Variants in NUDT7 observed in about 807,000 individuals in gnomAD.
NUDT7 encodes peroxisomal coenzyme A diphosphatase NUDT7.
NUDT7 carries 19 observed loss-of-function variants against 13.1 expected under a neutral mutation model. That is an observed-to-expected ratio of 1.45 (90% CI 1.01 to 2.13). The LOEUF (loss-of-function observed/expected upper bound fraction) is 2.13, where lower values mean the gene tolerates loss of function less well. NUDT7 is among the 30% of genes most tolerant of loss of function. The pLI, the probability that NUDT7 is intolerant of heterozygous loss-of-function variation, is 0.00. For missense variants in NUDT7, 360 were observed against 291.7 expected (o/e 1.23, Z -1.71); for synonymous variants, 132 against 109.7 (o/e 1.20, Z -1.27).
chr16:77,728,078 G>C (rs2014195467), intron 2 of NUDT7, among the ~76,000 whole-genome samples: 1 of 151,926 alleles, frequency 6.6e-6, no homozygotes, highest in Non-Finnish European at 1.5e-5. Context: ...GGCTGTAGGG[G>C]TGAGAAATTC....
In NUDT7 at chr16:77,736,019, TC is replaced by T. The variant is rs1251961121; in HGVS notation, c.348+37del. Reference sequence around the variant, plus strand: ...TTTCCTGAGACACTCATGAGCACCGTCCCCACCCCCAGGTGGATCTACTGTT... The same window carrying T: ...TTTCCTGAGACACTCATGAGCACCGTCCCACCCCCAGGTGGATCTACTGTT... On this transcript the variant is annotated intron_variant, in intron 3 of 3. Coordinates refer to ENST00000268533, the MANE Select transcript of NUDT7 (RefSeq NM_001105663.3). The T allele has an allele frequency of 2.5e-6, 4 of 1,603,518 alleles. No individual in the cohort carries two copies. The African/African-American group carries it at 5.4e-5, about 21-fold the overall frequency.
intron 1 of NUDT7, among the ~76,000 whole-genome samples, chr16:77,724,867 G>A (rs530662175): frequency 4.3e-4 from 66 of 152,322 alleles, no homozygotes; most frequent in Non-Finnish European, 8.1e-4. Flanking sequence ...CGTCAGTAAC[G>A]CTGTCATGAG....
chr16:77,722,958 C>T (rs1378358199), intron 1 of NUDT7, among the ~76,000 whole-genome samples: 1 of 152,188 alleles, frequency 6.6e-6, no homozygotes, highest in African/African-American at 2.4e-5. Context: ...GGATTCAAGT[C>T]CCCCGGTGGC....
intron 1 of NUDT7, among the ~76,000 whole-genome samples, chr16:77,723,920 GTATCTTAAATAGCTGATTCTGCCCAC>G (rs1466580619): frequency 1.3e-5 from 2 of 152,070 alleles, no homozygotes; most frequent in African/African-American, 4.8e-5. Context: ...CCAATTCTGG[GTATCTTAAATAGCTGATTCTGCCCAC>G]TATGCAAAGC....
intron 2 of NUDT7, among the ~76,000 whole-genome samples, chr16:77,727,960 G>A (rs968387065): frequency 3.0e-4 from 45 of 152,118 alleles, no homozygotes; most frequent in African/African-American, 8.2e-4. Context: ...AACCAACGGG[G>A]TCTCTAGTTT....
chr16:77,738,374 C>A (rs1025498617), intron 3 of NUDT7, among the ~76,000 whole-genome samples: 1 of 152,084 alleles, frequency 6.6e-6, no homozygotes, highest in Non-Finnish European at 1.5e-5. Context: ...TCTAAAATGG[C>A]GTGATTGAGA....
intron 3 of NUDT7, among the ~76,000 whole-genome samples, chr16:77,738,628 G>A (rs1453970185): frequency 2.0e-5 from 3 of 152,054 alleles, no homozygotes; most frequent in African/African-American, 4.8e-5. Context: ...AAGTGATCTC[G>A]AGTCCCAGTG....
At chr16:77,736,605 TG>T in intron 3 of NUDT7, 1 of 200,400 alleles carries the variant, frequency 5.0e-6, no homozygotes, top group Non-Finnish European at 1.1e-5. Flanking sequence ...ATTTTGGAGC[TG>T]AGATAACCAC....
intron 2 of NUDT7, among the ~76,000 whole-genome samples, chr16:77,732,094 A>C (rs2014335776): frequency 2.0e-5 from 3 of 152,138 alleles, no homozygotes; most frequent in Admixed American, 6.5e-5. Flanking sequence ...TGGGAGGCCA[A>C]GGTGGAGGGA....
intron 2 of NUDT7, among the ~76,000 whole-genome samples, chr16:77,734,482 G>A (rs2014416595): frequency 6.6e-6 from 1 of 152,090 alleles, no homozygotes; most frequent in South Asian, 2.1e-4. Context: ...AATTAGCCGG[G>A]CATGCTGGTG....
In NUDT7 at chr16:77,735,917, C is replaced by T. The variant is rs1160037847; in HGVS notation, c.279C>T (p.Ala93=). ...MDDAATALRE[A]QEEVGLRPHQ... is the part of the protein sequence containing the mutation. ...ATGCAGCCACAGCTCTCCGGGAAGC[C>T]CAGGAGGAAGTGGGTCTCCGTCCTC... The change falls in exon 3 of 4, where the codon GCC becomes GCT. Residue 93 remains alanine (A), a synonymous_variant. Transcript: ENST00000268533. 1.9e-6 allele frequency: 3 copies of T among 1,614,006 alleles called. No individual in the cohort carries two copies. Among genetic ancestry groups the T allele is most frequent in the Non-Finnish European group, 2.5e-6 (3 of 1,179,946 alleles).
At chr16:77,741,346 A>C (rs2014653372) in intron 3 of NUDT7, 1 of 435,020 alleles carries the variant, frequency 2.3e-6, no homozygotes. Context: ...AAAAGATTGT[A>C]CTACTTTATG....
chr16:77,722,517 C>T lies in NUDT7; in HGVS notation c.-66C>T, dbSNP rs1484140007. ...GGCCGCTCCCAAGCCCAGAGCTGCT[C>T]TGCGCAAGCGCGACCGACCGAGCAG... On this transcript the variant is annotated 5_prime_UTR_variant, in exon 1 of 4. Transcript: ENST00000268533. 7 of 1,471,174 alleles carry T rather than the reference C, an allele frequency of 4.8e-6. No individual in the cohort carries two copies. Among genetic ancestry groups the T allele is most frequent in the Non-Finnish European group, 5.6e-6 (6 of 1,076,292 alleles). 91.1% of individuals were successfully genotyped at this position (1,471,174 alleles called of 1,614,324 possible).
rs367775915 is a variant in NUDT7 at position 77,735,552 on chromosome 16, G to T, written c.190-276G>T. ...TTTCTTTATAAACTACCCAGTCTCA[G>T]TTATTTATTTATAGCAGTGCAAGAA... On this transcript the variant is annotated intron_variant, in intron 2 of 3. Coordinates refer to ENST00000268533, the MANE Select transcript of NUDT7 (RefSeq NM_001105663.3). 21 of 544,112 alleles carry T rather than the reference G, an allele frequency of 3.9e-5. 1 individual carries two copies. In the African/African-American group the frequency reaches 3.9e-4, roughly 10 times the overall value. 33.7% of individuals were successfully genotyped at this position (544,112 alleles called of 1,614,324 possible). A position where few individuals can be genotyped will look rare whatever the true frequency, so the allele number is the denominator to read the frequency against.
chr16:77,728,004 G>A (rs1365922357), intron 2 of NUDT7, among the ~76,000 whole-genome samples: 2 of 152,112 alleles, frequency 1.3e-5, no homozygotes, highest in African/African-American at 4.8e-5. Flanking sequence ...TTTGCCTGTT[G>A]ATTATTAAGG....
intron 2 of NUDT7, among the ~76,000 whole-genome samples, chr16:77,729,915 C>T (rs779666252): frequency 6.6e-6 from 1 of 151,348 alleles, no homozygotes; most frequent in Non-Finnish European, 1.5e-5. Context: ...TATATATTCA[C>T]TATGGAATGA....
chr16:77,731,127 G>A (rs539954642), intron 2 of NUDT7, among the ~76,000 whole-genome samples: 32 of 152,052 alleles, frequency 2.1e-4, no homozygotes, highest in South Asian at 1.0e-3. Context: ...CTGTGCTTTT[G>A]GGGTCATATT....
chr16:77,742,153 G>C lies in NUDT7; in HGVS notation c.*203G>C. On this transcript the variant is annotated 3_prime_UTR_variant, in exon 4 of 4. Coordinates refer to ENST00000268533, the MANE Select transcript of NUDT7 (RefSeq NM_001105663.3). ...TTCAAAAATGAAAACTATGTTCATA[G>C]TGTTGCATATTTTCACCCACAATAT... The C allele has an allele frequency of 8.0e-7, 1 of 1,254,304 alleles. No homozygotes were observed. Among genetic ancestry groups the C allele is most frequent in the Non-Finnish European group, 1.0e-6 (1 of 983,946 alleles). 77.7% of individuals were successfully genotyped at this position (1,254,304 alleles called of 1,614,324 possible). A position where few individuals can be genotyped will look rare whatever the true frequency, so the allele number is the denominator to read the frequency against.
chr16:77,735,333 G>T, intron 2 of NUDT7: 1 of 444,416 alleles, frequency 2.3e-6, no homozygotes, highest in Non-Finnish European at 4.0e-6. Context: ...GAGTTCTCAC[G>T]AGATAAGGTT....
Sources: allele counts gnomAD v4.1 joint callset (sites outside exome capture counted in the v4.1 genomes callset), GRCh38; gene constraint gnomAD v4.1.1; transcripts MANE v1.5; gene names NCBI Gene and HGNC (gene_info 2026-07-23, HGNC 2026-07-21).